Variants in SCMH1 observed in about 807,000 individuals in gnomAD.
SCMH1 encodes polycomb protein SCMH1.
In SCMH1, 37 loss-of-function variants were observed where a neutral mutation model predicts 70.8. The observed-to-expected ratio is 0.52, with a 90% CI of 0.40 to 0.69. The LOEUF is 0.69. Ranked by LOEUF, SCMH1 falls within the 30% of genes least tolerant of loss-of-function variation. SCMH1 has a pLI of 0.00. For synonymous variants in SCMH1, 292 were observed against 307.4 expected (o/e 0.95, Z 0.52); for missense variants, 607 against 827.3 (o/e 0.73, Z 3.27).
chr1:41,179,851 C>T (rs1176959660), intron 2 of SCMH1, among the ~76,000 whole-genome samples: 2 of 152,208 alleles, frequency 1.3e-5, no homozygotes, highest in East Asian at 3.8e-4. Context: ...GGAATCCTCC[C>T]TAACTCATTT....
intron 1 of SCMH1, among the ~76,000 whole-genome samples, chr1:41,240,726 C>G (rs538360559): frequency 1.3e-5 from 2 of 149,496 alleles, no homozygotes; most frequent in African/African-American, 4.9e-5. Flanking sequence ...TTTGTTTGAA[C>G]AAACACTACT....
intron 6 of SCMH1, among the ~76,000 whole-genome samples, chr1:41,141,722 A>G (rs944266941): frequency 2.6e-5 from 4 of 152,234 alleles, no homozygotes; most frequent in Non-Finnish European, 5.9e-5. Flanking sequence ...ATTAGAGCAG[A>G]TAAGAACTTG....
chr1:41,123,624 G>T (rs536466056), intron 6 of SCMH1, among the ~76,000 whole-genome samples: 10 of 152,310 alleles, frequency 6.6e-5, no homozygotes, highest in South Asian at 2.1e-4. Flanking sequence ...AGCCAAGTTT[G>T]AGAACTATGC....
At chr1:41,077,313 G>T (rs898797102) in intron 8 of SCMH1, among the ~76,000 whole-genome samples, 11 of 152,250 alleles carry the variant, frequency 7.2e-5, no homozygotes, top group Non-Finnish European at 1.6e-4. Flanking sequence ...GGAGGAAAGA[G>T]AAATGAGAGC....
intron 8 of SCMH1, among the ~76,000 whole-genome samples, chr1:41,112,870 G>A (rs551510081): frequency 2.0e-5 from 3 of 152,242 alleles, no homozygotes; most frequent in African/African-American, 7.2e-5. Context: ...TTTCCATCCT[G>A]CTACAGTGCT....
intron 6 of SCMH1, among the ~76,000 whole-genome samples, chr1:41,126,980 A>G (rs1420253444): frequency 3.3e-5 from 5 of 152,130 alleles, no homozygotes; most frequent in South Asian, 4.1e-4. Context: ...ACCATTCTGC[A>G]TGTCCCCAGC....
intron 4 of SCMH1, chr1:41,152,478 TG>T (rs1557670145): frequency 1.9e-6 from 2 of 1,062,442 alleles, no homozygotes; most frequent in Non-Finnish European, 1.4e-6. Context: ...GACACTGTGC[TG>T]GGGGAAGGGA....
chr1:41,187,035 G>C (rs1650407756), intron 1 of SCMH1, among the ~76,000 whole-genome samples: 1 of 152,130 alleles, frequency 6.6e-6, no homozygotes, highest in Non-Finnish European at 1.5e-5. Context: ...TTTTATTACA[G>C]TCGGAGTGGG....
rs1396786110 is a variant in SCMH1 at position 41,154,174 on chromosome 1, A to T, written c.107-2490T>A. 3.3e-5 allele frequency among the ~76,000 whole-genome samples: 5 copies of T among 152,242 alleles called. No individual in the cohort carries two copies. The East Asian group carries it at 9.6e-4, about 29-fold the overall frequency. ...TCATTGACTCTCAAGTGATACTTAT[A>T]GTCTCATTTCTTTAAACAAAGTTCT... On this transcript the variant is annotated intron_variant, in intron 4 of 14. Coordinates refer to ENST00000337495, the Ensembl canonical transcript of SCMH1.
At chr1:41,163,512 T>G (rs1646209153) in intron 2 of SCMH1, among the ~76,000 whole-genome samples, 1 of 152,184 alleles carries the variant, frequency 6.6e-6, no homozygotes, top group Admixed American at 6.5e-5. Flanking sequence ...AGAAAGGGTC[T>G]TCAAAGAGAT....
intron 1 of SCMH1, among the ~76,000 whole-genome samples, chr1:41,196,568 T>C (rs1246084450): frequency 1.3e-5 from 2 of 152,160 alleles, no homozygotes; most frequent in Non-Finnish European, 2.9e-5. Flanking sequence ...ATGACCTAAA[T>C]AAATGTAAGA....
At chr1:41,205,906 G>T (rs1340266998) in intron 1 of SCMH1, among the ~76,000 whole-genome samples, 7 of 152,182 alleles carry the variant, frequency 4.6e-5, no homozygotes, top group Admixed American at 3.9e-4. Flanking sequence ...AGCAAACAAG[G>T]TCTGGAGTGG....
chr1:41,122,016 A>G (rs542933204), intron 6 of SCMH1, among the ~76,000 whole-genome samples: 1 of 152,344 alleles, frequency 6.6e-6, no homozygotes, highest in African/African-American at 2.4e-5. Context: ...AATTTAAGCC[A>G]GAGTCAAACT....
At chr1:41,149,013 A>T (rs1205711601) in intron 5 of SCMH1, among the ~76,000 whole-genome samples, 2 of 151,894 alleles carry the variant, frequency 1.3e-5, no homozygotes, top group African/African-American at 4.8e-5. Flanking sequence ...GGATGGTCTT[A>T]ATCTCCTGAC....
chr1:41,117,510 C>T (rs181228523), intron 6 of SCMH1, among the ~76,000 whole-genome samples: 1,843 of 148,536 alleles, frequency 0.012, 24 homozygotes, highest in Non-Finnish European at 0.016. Context: ...ACCCTTTCCC[C>T]GGGGAAGTTT....
At chr1:41,090,316 G>T (rs1242067416) in intron 8 of SCMH1, among the ~76,000 whole-genome samples, 2 of 152,072 alleles carry the variant, frequency 1.3e-5, no homozygotes, top group East Asian at 3.9e-4. Context: ...TTAGTGAAAA[G>T]AACATTATTT....
chr1:41,166,147 C>T (rs1041930485), intron 2 of SCMH1, among the ~76,000 whole-genome samples: 1 of 152,030 alleles, frequency 6.6e-6, no homozygotes, highest in South Asian at 2.1e-4. Flanking sequence ...AAGCAATTGA[C>T]TGTAGATGCA....
intron 8 of SCMH1, among the ~76,000 whole-genome samples, chr1:41,110,448 C>T (rs1394996058): frequency 6.6e-6 from 1 of 152,120 alleles, no homozygotes; most frequent in East Asian, 1.9e-4. Flanking sequence ...CAGTCATTTC[C>T]CATTTTCCCT....
chr1:41,163,382 C>T (rs984302506), intron 2 of SCMH1, among the ~76,000 whole-genome samples: 2 of 152,182 alleles, frequency 1.3e-5, no homozygotes, highest in African/African-American at 4.8e-5. Flanking sequence ...GCATGAGCAG[C>T]CTGCCAGGCC....
Sources: allele counts gnomAD v4.1 joint callset (sites outside exome capture counted in the v4.1 genomes callset), GRCh38; gene constraint gnomAD v4.1.1; transcripts MANE v1.5; gene names NCBI Gene and HGNC (gene_info 2026-07-23, HGNC 2026-07-21).